PLB1: variants seen among roughly 807,000 people sequenced by gnomAD.
The protein encoded by PLB1 is phospholipase B1, also known as phospholipase B1, membrane-associated.
Under a neutral mutation model 227.4 loss-of-function variants are expected in PLB1, and 242 were observed. The observed-to-expected ratio is 1.06, with a 90% CI of 0.96 to 1.18. The LOEUF (loss-of-function observed/expected upper bound fraction) is 1.18, where lower values mean the gene tolerates loss of function less well. Among genes scored for constraint, PLB1 ranks in the 50% most tolerant of loss-of-function variants. PLB1 has a pLI of 0.00. For synonymous variants in PLB1, 757 were observed against 682.2 expected, an observed-to-expected ratio of 1.11 and a Z score of -1.71; for missense variants, 1,858 against 1,816.3, an observed-to-expected ratio of 1.02 and a Z score of -0.42.
At position 28,565,373 on chromosome 2, in the gene PLB1, G is replaced by C. The variant is rs890609384; in HGVS notation, c.1280+20G>C. 6.3e-7 allele frequency: 1 copy of C among 1,587,464 alleles called. No homozygotes were observed. The highest frequency in any genetic ancestry group is 8.6e-7 in the Non-Finnish European group (1 of 1,164,246). ...CTGGAGGTGAGTGAGGGTGTGGCAAGGCCCCAAAGGCCCCTTCATTGCAGA... is the reference window on the plus strand; with the variant it reads ...CTGGAGGTGAGTGAGGGTGTGGCAACGCCCCAAAGGCCCCTTCATTGCAGA... On this transcript the variant is annotated intron_variant, in intron 19 of 57. Transcript: ENST00000327757.
intron 14 of PLB1, among the ~76,000 whole-genome samples, chr2:28,546,791 T>C (rs1291456413): frequency 6.6e-6 from 1 of 151,850 alleles, no homozygotes; most frequent in Non-Finnish European, 1.5e-5. Context: ...TGAATTTTCC[T>C]TCTTTGAGGC....
At chr2:28,518,966 A>G (rs1417490833) in intron 3 of PLB1, among the ~76,000 whole-genome samples, 2 of 152,174 alleles carry the variant, frequency 1.3e-5, no homozygotes, top group African/African-American at 4.8e-5. Context: ...ACCATATTTA[A>G]TAGATTTATG....
intron 39 of PLB1, 29 bp from the exon 40 acceptor site, chr2:28,603,937 G>A: frequency 6.2e-7 from 1 of 1,604,214 alleles, no homozygotes; most frequent in Non-Finnish European, 8.5e-7. Flanking sequence ...CTGAGCTCTG[G>A]GGCCTCCTGC....
chr2:28,508,519 A>G (rs1667882416), intron 1 of PLB1, among the ~76,000 whole-genome samples: 1 of 152,180 alleles, frequency 6.6e-6, no homozygotes. Context: ...AGCTAGTCAC[A>G]TGCAGCACCT....
chr2:28,604,746 T>A lies in PLB1; in HGVS notation c.2948T>A (p.Leu983His), dbSNP rs771955991. 26 of 1,613,914 alleles carry A rather than the reference T, an allele frequency of 1.6e-5. No individual in the cohort carries two copies. Among genetic ancestry groups the A allele is most frequent in the Non-Finnish European group, 1.9e-5 (22 of 1,179,958 alleles). ...VLQPFFQNIQ[L>H]PVLADGLPDT... ...CAGCCCTTCTTCCAGAACATCCAGCTCCCTGTCCTGGCGGTATGTCCCCTG... is the reference window on the plus strand; with the variant it reads ...CAGCCCTTCTTCCAGAACATCCAGCACCCTGTCCTGGCGGTATGTCCCCTG... Residue 983 changes from leucine (L) to histidine (H), a missense_variant, in exon 41 of 58, where the codon CTC (leucine) becomes CAC (histidine). Transcript: ENST00000327757.
chr2:28,603,131 A>G (rs1053284445), intron 39 of PLB1, among the ~76,000 whole-genome samples: 2 of 152,208 alleles, frequency 1.3e-5, no homozygotes, highest in Non-Finnish European at 2.9e-5. Context: ...AGGAACTTCT[A>G]TGATACCAGG....
chr2:28,637,722 C>T (rs541598585), intron 56 of PLB1, among the ~76,000 whole-genome samples: 1 of 152,286 alleles, frequency 6.6e-6, no homozygotes, highest in African/African-American at 2.4e-5. Flanking sequence ...GTGTTACACA[C>T]CTCTGCTAAC....
At chr2:28,595,556 A>G (rs1464913394) in intron 33 of PLB1, 1 of 152,208 alleles carries the variant, frequency 6.6e-6, no homozygotes, top group East Asian at 1.9e-4. Context: ...AAGGCCTGCA[A>G]TGCAGAAATC....
At chr2:28,549,909 TG>T in intron 15 of PLB1, 100 bp from the exon 16 acceptor site, 1 of 918,840 alleles carries the variant, frequency 1.1e-6, no homozygotes, top group Non-Finnish European at 1.7e-6. Context: ...GTGATGTGAA[TG>T]TTCCTAGTTG....
chr2:28,578,192 A>C (rs1274279367), intron 22 of PLB1, 34 bp downstream of exon 22: 2 of 1,602,794 alleles, frequency 1.2e-6, no homozygotes, highest in Non-Finnish European at 8.5e-7. Flanking sequence ...GGCAGGAAAA[A>C]TCCCTGGACA....
chr2:28,614,642 T>G (rs1685938264), intron 44 of PLB1, among the ~76,000 whole-genome samples: 1 of 152,204 alleles, frequency 6.6e-6, no homozygotes, highest in Admixed American at 6.5e-5. Flanking sequence ...AAAGACGGCC[T>G]GGAGGACCCC....
chr2:28,560,898 C>A (rs1675953704), intron 17 of PLB1, among the ~76,000 whole-genome samples: 2 of 152,212 alleles, frequency 1.3e-5, no homozygotes, highest in Admixed American at 1.3e-4. Flanking sequence ...TTCATGCAAG[C>A]CAAACTGTGA....
chr2:28,633,592 G>A (rs949768600), intron 56 of PLB1, among the ~76,000 whole-genome samples: 4 of 152,162 alleles, frequency 2.6e-5, no homozygotes, highest in African/African-American at 4.8e-5. Context: ...CCTGTTTTCC[G>A]AGGCTGATAC....
chr2:28,568,221 G>A (rs1573029081), intron 20 of PLB1, among the ~76,000 whole-genome samples: 1 of 152,336 alleles, frequency 6.6e-6, no homozygotes, highest in East Asian at 1.9e-4. Flanking sequence ...ATGGTTCAGG[G>A]TGCTTTTGTG....
chr2:28,534,038 T>C (rs1200278275), intron 9 of PLB1, among the ~76,000 whole-genome samples: 1 of 152,228 alleles, frequency 6.6e-6, no homozygotes, highest in African/African-American at 2.4e-5. Flanking sequence ...ATCCAAGCCT[T>C]ATTTTGTGTG....
chr2:28,586,862 C>G (rs1286123559), intron 26 of PLB1, among the ~76,000 whole-genome samples: 9 of 152,202 alleles, frequency 5.9e-5, no homozygotes, highest in Admixed American at 5.9e-4. Context: ...ATCCTCCCGC[C>G]TCAGTCCCCC....
chr2:28,632,120 ACACT>A lies in PLB1; in HGVS notation c.3986_3989del (p.Leu1329ProfsTer3). 1.2e-6 allele frequency: 2 copies of A among 1,613,736 alleles called. No individual in the cohort carries two copies. The highest frequency in any genetic ancestry group is 1.7e-6 in the Non-Finnish European group (2 of 1,179,760). On this transcript the variant is annotated frameshift_variant, in exon 55 of 58. Coordinates refer to ENST00000327757, the MANE Select transcript of PLB1 (RefSeq NM_153021.5). LOFTEE classifies it high-confidence loss of function. The stretch of plus-strand genomic sequence containing the variant: ...TGTGGTGCAGCCTTTCTTCCAAAAC[ACACT>A]CACCCCACTGAACGAGGTGAGCTGC...
At chr2:28,506,147 T>C (rs1667615271) in intron 1 of PLB1, among the ~76,000 whole-genome samples, 1 of 152,242 alleles carries the variant, frequency 6.6e-6, no homozygotes. Context: ...TGTGCCTGGC[T>C]GGTAGTTACT....
chr2:28,525,983 C>G, intron 6 of PLB1, 38 bp downstream of exon 6: 1 of 1,611,812 alleles, frequency 6.2e-7, no homozygotes, highest in Non-Finnish European at 8.5e-7. Flanking sequence ...TCAGAGTGCC[C>G]CTCTCCTTCC....
Sources: gnomAD v4.1 joint callset for allele counts (sites outside exome capture counted in the v4.1 genomes callset) on GRCh38, gnomAD v4.1.1 for gene constraint, MANE v1.5 for transcripts, NCBI Gene and HGNC (gene_info 2026-07-23, HGNC 2026-07-21) for gene names.